Variants in SORCS2 observed in about 807,000 individuals in gnomAD.
SORCS2 encodes the protein VPS10 domain-containing receptor SorCS2.
A neutral mutation model predicts 141.6 loss-of-function variants in SORCS2; 100 were observed. That is an observed-to-expected ratio of 0.71 (90% CI 0.60 to 0.83). The LOEUF is 0.83. Ranked by LOEUF, SORCS2 falls within the 40% of genes least tolerant of loss-of-function variation. SORCS2 has a pLI of 0.00. For missense variants in SORCS2, 1,646 were observed against 1,560.2 expected, an observed-to-expected ratio of 1.05 and a Z score of -0.93; for synonymous variants, 789 against 676.9, an observed-to-expected ratio of 1.17 and a Z score of -2.57.
intron 1 of SORCS2, among the ~76,000 whole-genome samples, chr4:7,257,323 C>T (rs1475525839): frequency 1.3e-5 from 2 of 148,326 alleles, no homozygotes; most frequent in African/African-American, 5.0e-5. Context: ...TTTTGCTCAG[C>T]ACCGACCTTG....
intron 3 of SORCS2, among the ~76,000 whole-genome samples, chr4:7,568,947 G>A (rs1049941881): frequency 7.2e-5 from 11 of 152,162 alleles, no homozygotes; most frequent in African/African-American, 2.4e-4. Context: ...GCTCCCCAAG[G>A]CTGGACTCTA....
chr4:7,728,534 G>A (rs1292834106), intron 22 of SORCS2, 72 bp downstream of exon 22: 13 of 1,108,252 alleles, frequency 1.2e-5, no homozygotes, highest in African/African-American at 4.8e-5. Context: ...CAAGGGCCCC[G>A]GGGTGCTCAG....
At chr4:7,564,464 G>T (rs75332900) in intron 3 of SORCS2, among the ~76,000 whole-genome samples, 3,795 of 152,278 alleles carry the variant, frequency 0.025, 142 homozygotes, top group African/African-American at 0.085. Context: ...GGCCCACTCC[G>T]ATGACCTTGT....
chr4:7,543,719 C>T (rs144212962), intron 3 of SORCS2, among the ~76,000 whole-genome samples: 40 of 4,664 alleles, frequency 8.6e-3, no homozygotes, highest in East Asian at 0.071. Context: ...CACCCATCCA[C>T]CCATCCACCC....
chr4:7,527,075 G>C (rs906685000), intron 2 of SORCS2, among the ~76,000 whole-genome samples: 1 of 152,188 alleles, frequency 6.6e-6, no homozygotes, highest in Non-Finnish European at 1.5e-5. Context: ...CGACAATGCG[G>C]GTCCAGCCCT....
At chr4:7,372,328 CAG>C (rs1290864609) in intron 1 of SORCS2, among the ~76,000 whole-genome samples, 1 of 152,162 alleles carries the variant, frequency 6.6e-6, no homozygotes, top group Non-Finnish European at 1.5e-5. Flanking sequence ...TTGTTTGAGA[CAG>C]AGTTTCACTC....
At chr4:7,337,157 G>A (rs951283076) in intron 1 of SORCS2, among the ~76,000 whole-genome samples, 1 of 152,176 alleles carries the variant, frequency 6.6e-6, no homozygotes. Flanking sequence ...AATTGCAGAA[G>A]GTGGGGCTGG....
intron 1 of SORCS2, among the ~76,000 whole-genome samples, chr4:7,324,027 G>A (rs550103783): frequency 3.2e-4 from 49 of 152,324 alleles, no homozygotes; most frequent in Non-Finnish European, 6.5e-4. Context: ...CTTACGCGAT[G>A]GGTCTCTCAC....
intron 1 of SORCS2, among the ~76,000 whole-genome samples, chr4:7,299,782 T>C (rs1717317558): frequency 6.6e-6 from 1 of 152,232 alleles, no homozygotes; most frequent in Admixed American, 6.5e-5. Context: ...TTCTGCTTCC[T>C]GGGACTTCAA....
At chr4:7,223,293 G>GTGCA in intron 1 of SORCS2, among the ~76,000 whole-genome samples, 1 of 75,384 alleles carries the variant, frequency 1.3e-5, no homozygotes, top group Non-Finnish European at 2.6e-5. Flanking sequence ...TAGTGTATAT[G>GTGCA]CGCACACACA....
intron 9 of SORCS2, 127 bp downstream of exon 9, chr4:7,676,356 C>T: frequency 1.7e-5 from 17 of 977,884 alleles, no homozygotes; most frequent in Non-Finnish European, 2.4e-5. Flanking sequence ...CTGCACACAT[C>T]TTCTGTACAC....
At chr4:7,373,916 G>A (rs2336101) in intron 1 of SORCS2, among the ~76,000 whole-genome samples, 104,060 of 151,976 alleles carry the variant, frequency 0.68, 35,952 homozygotes, top group East Asian at 0.93. Context: ...GATGAATTCC[G>A]TTTATCTATA....
intron 4 of SORCS2, 47 bp from the exon 5 acceptor site, chr4:7,654,087 T>G: frequency 6.6e-7 from 1 of 1,509,158 alleles, no homozygotes; most frequent in Non-Finnish European, 9.0e-7. Context: ...AAGCAGCTTA[T>G]TCCTGACGTC....
At chr4:7,340,453 A>G (rs1720304327) in intron 1 of SORCS2, among the ~76,000 whole-genome samples, 3 of 152,224 alleles carry the variant, frequency 2.0e-5, no homozygotes, top group Admixed American at 2.0e-4. Context: ...TGTGGAGGGC[A>G]GCCCGGATCC....
chr4:7,435,636 C>G (rs148474997), intron 2 of SORCS2, among the ~76,000 whole-genome samples: 1 of 152,176 alleles, frequency 6.6e-6, no homozygotes, highest in Non-Finnish European at 1.5e-5. Context: ...CTGTAGTAGG[C>G]GTAGATTAAA....
chr4:7,211,624 C>T (rs1405532527), intron 1 of SORCS2, among the ~76,000 whole-genome samples: 4 of 152,142 alleles, frequency 2.6e-5, no homozygotes, highest in Non-Finnish European at 4.4e-5. Context: ...CCCCCTGCCT[C>T]GGCCTCCCAA....
At chr4:7,211,203 C>T (rs908003189) in intron 1 of SORCS2, among the ~76,000 whole-genome samples, 2 of 98,496 alleles carry the variant, frequency 2.0e-5, no homozygotes, top group East Asian at 3.2e-4. Flanking sequence ...TCAGAGGTGG[C>T]GGGAGGAGCA....
chr4:7,615,032 T>C lies in SORCS2; in HGVS notation c.649-23296T>C, dbSNP rs1050417253. Among the ~76,000 whole-genome samples the C allele has an allele frequency of 3.3e-5, 5 of 151,914 alleles. No individual in the cohort carries two copies. In the East Asian group the frequency reaches 7.8e-4, roughly 24 times the overall value. ...ATCTGCTTATCCATTCATCCATCCA[T>C]TTATTCATCCATCCACCTATTCACC... On this transcript the variant is annotated intron_variant, in intron 3 of 26. Coordinates refer to ENST00000507866, the MANE Select transcript of SORCS2 (RefSeq NM_020777.3).
intron 1 of SORCS2, among the ~76,000 whole-genome samples, chr4:7,245,347 C>T (rs1048206509): frequency 2.0e-5 from 3 of 152,260 alleles, no homozygotes; most frequent in Non-Finnish European, 4.4e-5. Context: ...CCCTGCTGCA[C>T]ACCGGAGGTG....
Sources: allele counts gnomAD v4.1 joint callset (sites outside exome capture counted in the v4.1 genomes callset), GRCh38; gene constraint gnomAD v4.1.1; transcripts MANE v1.5; gene names NCBI Gene and HGNC (gene_info 2026-07-23, HGNC 2026-07-21).